The following PLXDC2 variants were observed in gnomAD, a reference collection of about 807,000 sequenced individuals.
The protein encoded by PLXDC2 is plexin domain containing 2, also known as plexin domain-containing protein 2.
Under a neutral mutation model 68.9 loss-of-function variants are expected in PLXDC2, and 40 were observed. That is an observed-to-expected ratio of 0.58 (90% CI 0.45 to 0.76). The LOEUF (loss-of-function observed/expected upper bound fraction) is 0.76. Among genes scored for constraint, PLXDC2 ranks in the 30% least tolerant of loss-of-function variants. The pLI, the probability that PLXDC2 is intolerant of heterozygous loss-of-function variation, is 0.00. For missense variants in PLXDC2, 644 were observed against 661.9 expected (o/e 0.97, Z 0.30); for synonymous variants, 243 against 234.2 (o/e 1.04, Z -0.34).
intron 1 of PLXDC2, among the ~76,000 whole-genome samples, chr10:19,914,062 G>A (rs1316759227): frequency 6.6e-6 from 1 of 150,756 alleles, no homozygotes; most frequent in Non-Finnish European, 1.5e-5. Flanking sequence ...GGGAGAGCAG[G>A]AGGGAGGGAG....
chr10:20,099,163 C>G (rs1564314726), intron 4 of PLXDC2, among the ~76,000 whole-genome samples: 1 of 152,042 alleles, frequency 6.6e-6, no homozygotes, highest in Non-Finnish European at 1.5e-5. Flanking sequence ...TTACTGCGGC[C>G]AAAAGCATTA....
At chr10:20,010,858 A>G (rs1564655914) in intron 2 of PLXDC2, among the ~76,000 whole-genome samples, 1 of 152,170 alleles carries the variant, frequency 6.6e-6, no homozygotes, top group African/African-American at 2.4e-5. Flanking sequence ...ATAGCCATTC[A>G]TGAGGACTTT....
chr10:20,220,151 T>C (rs1282650700), intron 12 of PLXDC2, among the ~76,000 whole-genome samples: 1 of 152,238 alleles, frequency 6.6e-6, no homozygotes, highest in African/African-American at 2.4e-5. Context: ...TTCATTCATT[T>C]CTTATTCATC....
intron 2 of PLXDC2, among the ~76,000 whole-genome samples, chr10:20,003,428 A>ATGTTTGTT (rs60598198): frequency 4.0e-4 from 60 of 151,756 alleles, no homozygotes; most frequent in Non-Finnish European, 7.1e-4. Context: ...TAGAAACAGC[A>ATGTTTGTT]TGTTTGTTTG....
chr10:20,202,705 G>C (rs980467988), intron 9 of PLXDC2, among the ~76,000 whole-genome samples: 1 of 152,056 alleles, frequency 6.6e-6, no homozygotes, highest in Admixed American at 6.6e-5. Flanking sequence ...CTTTAGAGTC[G>C]AACACTGTAA....
At chr10:19,966,448 C>CT (rs1834264250) in intron 1 of PLXDC2, among the ~76,000 whole-genome samples, 1 of 10,574 alleles carries the variant, frequency 9.5e-5, no homozygotes. Flanking sequence ...ATATATAAAA[C>CT]ATGTGTGTAT....
intron 4 of PLXDC2, among the ~76,000 whole-genome samples, chr10:20,128,739 A>G (rs896239118): frequency 1.3e-5 from 2 of 152,080 alleles, no homozygotes; most frequent in African/African-American, 4.8e-5. Flanking sequence ...TACATATAGT[A>G]TTTGCCTTTC....
intron 2 of PLXDC2, among the ~76,000 whole-genome samples, chr10:20,037,711 G>T (rs1328976479): frequency 6.6e-6 from 1 of 152,162 alleles, no homozygotes; most frequent in African/African-American, 2.4e-5. Flanking sequence ...TGTTAATTTT[G>T]TTATGAATTT....
intron 12 of PLXDC2, among the ~76,000 whole-genome samples, chr10:20,230,875 G>A (rs1346460453): frequency 1.8e-4 from 27 of 148,114 alleles, no homozygotes; most frequent in Admixed American, 1.8e-3. Flanking sequence ...CACATGAAAC[G>A]GTCACCAAAG....
chr10:19,876,585 G>C (rs1837635155), intron 1 of PLXDC2, among the ~76,000 whole-genome samples: 1 of 108,328 alleles, frequency 9.2e-6, no homozygotes, highest in Non-Finnish European at 1.7e-5. Flanking sequence ...CTGGACAACA[G>C]AGTGAGATTC....
Position 20,176,272 on chromosome 10 carries a change from T to A in PLXDC2, c.884-727T>A, listed in dbSNP as rs139525464. On this transcript the variant is annotated intron_variant, in intron 7 of 13. Transcript: ENST00000377252. ...TCCCTCCAGCTTTATGGAGATATGATTGACAAATAAAAATCATATGTATTT... is the reference window on the plus strand; with the variant it reads ...TCCCTCCAGCTTTATGGAGATATGAATGACAAATAAAAATCATATGTATTT... Among the ~76,000 whole-genome samples, 116 of 152,216 alleles carry A rather than the reference T, an allele frequency of 7.6e-4. No homozygotes were observed. In the East Asian group the frequency reaches 0.018, roughly 24 times the overall value.
intron 7 of PLXDC2, among the ~76,000 whole-genome samples, chr10:20,169,719 G>A (rs1219166731): frequency 6.6e-6 from 1 of 152,122 alleles, no homozygotes; most frequent in South Asian, 2.1e-4. Context: ...ATGCCATGTG[G>A]TTCTTTAATT....
chr10:20,009,152 A>T (rs770471902), intron 2 of PLXDC2, among the ~76,000 whole-genome samples: 11 of 152,332 alleles, frequency 7.2e-5, no homozygotes, highest in Middle Eastern at 3.4e-3. Context: ...GAGTAGTAAG[A>T]CATCATCCCA....
chr10:19,820,503 G>A (rs1377970067), intron 1 of PLXDC2, among the ~76,000 whole-genome samples: 8 of 151,816 alleles, frequency 5.3e-5, no homozygotes, highest in South Asian at 4.1e-4. Flanking sequence ...GCGCGGTGGC[G>A]GGCGCCTGTA....
At chr10:20,240,689 A>G (rs1192372938) in intron 12 of PLXDC2, among the ~76,000 whole-genome samples, 1 of 131,852 alleles carries the variant, frequency 7.6e-6, no homozygotes, top group Non-Finnish European at 1.6e-5. Flanking sequence ...TGTGTAGGAA[A>G]TTGTAGAATC....
chr10:20,236,410 A>T (rs988520868), intron 12 of PLXDC2, among the ~76,000 whole-genome samples: 1 of 152,166 alleles, frequency 6.6e-6, no homozygotes, highest in Non-Finnish European at 1.5e-5. Flanking sequence ...ACACCACTGC[A>T]CTCCAGCCTG....
At chr10:20,198,815 C>A (rs1226144963) in intron 9 of PLXDC2, among the ~76,000 whole-genome samples, 1 of 152,102 alleles carries the variant, frequency 6.6e-6, no homozygotes, top group Non-Finnish European at 1.5e-5. Flanking sequence ...GAAGAAGACA[C>A]AAGGCAGAAA....
chr10:19,867,393 G>A (rs949095202), intron 1 of PLXDC2, among the ~76,000 whole-genome samples: 6 of 152,108 alleles, frequency 3.9e-5, no homozygotes, highest in African/African-American at 1.4e-4. Context: ...AGGCCTATGT[G>A]ACAGGGCTCA....
At chr10:20,197,510 A>G (rs1834855900) in intron 9 of PLXDC2, among the ~76,000 whole-genome samples, 1 of 152,008 alleles carries the variant, frequency 6.6e-6, no homozygotes, top group South Asian at 2.1e-4. Flanking sequence ...GGCATGTGCT[A>G]CCATGCCCAG....
Sources: gnomAD v4.1 joint callset for allele counts (sites outside exome capture counted in the v4.1 genomes callset) on GRCh38, gnomAD v4.1.1 for gene constraint, MANE v1.5 for transcripts, NCBI Gene and HGNC (gene_info 2026-07-23, HGNC 2026-07-21) for gene names.